The following MAEA variants were observed in gnomAD, a reference collection of about 807,000 sequenced individuals.
MAEA encodes E3 ubiquitin-protein transferase MAEA.
MAEA carries 22 observed loss-of-function variants against 46.2 expected under a neutral mutation model. The ratio of observed to expected loss-of-function variants is 0.48; its 90% CI spans 0.34 to 0.68. The LOEUF (loss-of-function observed/expected upper bound fraction) is 0.68. Among genes scored for constraint, MAEA ranks in the 30% least tolerant of loss-of-function variants. The pLI, the probability that MAEA is intolerant of heterozygous loss-of-function variation, is 0.01. For synonymous variants in MAEA, 246 were observed against 222.6 expected (o/e 1.11, Z -0.94); for missense variants, 393 against 558.1 (o/e 0.70, Z 2.98).
rs952297573 is a variant in MAEA at position 1,311,923 on chromosome 4, G to C, written c.70-56G>C. 27 of 1,506,438 alleles carry C rather than the reference G, an allele frequency of 1.8e-5. No individual in the cohort carries two copies. The highest frequency in any genetic ancestry group is 4.1e-5 in the African/African-American group (3 of 72,738). The allele number at this position is 1,506,438 out of a possible 1,614,324, so 93.3% of individuals were successfully genotyped here. A position where few individuals can be genotyped will look rare whatever the true frequency, so the allele number is the denominator to read the frequency against. On this transcript the variant is annotated intron_variant, in intron 1 of 8. Transcript: ENST00000303400. The surrounding 1 kb of genome is among the most constrained non-coding windows in gnomAD (Gnocchi z 4.4). ...AGACCTGGTGTGTCCTGGGTGTGGG[G>C]CTGGTGGGGCTCACACCAGGGGAGC...
chr4:1,291,470 G>A (rs1296673348), intron 1 of MAEA, among the ~76,000 whole-genome samples: 1 of 152,208 alleles, frequency 6.6e-6, no homozygotes, highest in Non-Finnish European at 1.5e-5. Context: ...ATCTCTGTTG[G>A]TTTAGAGATG....
At chr4:1,323,428 C>G in intron 4 of MAEA, 2 of 701,228 alleles carry the variant, frequency 2.9e-6, no homozygotes, top group African/African-American at 1.7e-5. Context: ...GCTGCTTTAA[C>G]CTCACCCTGG....
At chr4:1,319,517 G>C (rs961884702) in intron 3 of MAEA, among the ~76,000 whole-genome samples, 1 of 152,108 alleles carries the variant, frequency 6.6e-6, no homozygotes, top group African/African-American at 2.4e-5. Flanking sequence ...CCCTCAGTAA[G>C]AGAGATCCAA....
intron 1 of MAEA, among the ~76,000 whole-genome samples, chr4:1,295,780 CGCGCCTGTGCCCCCCTCCCCA>C (rs1734608853): frequency 2.3e-5 from 2 of 87,260 alleles, no homozygotes; most frequent in Admixed American, 2.1e-4. Context: ...CCCCCTCACC[CGCGCCTGTGCCCCCCTCCCCA>C]GCGCCTGTGC....
intron 1 of MAEA, chr4:1,310,065 A>G (rs1736297126): frequency 3.7e-6 from 4 of 1,069,174 alleles, no homozygotes; most frequent in Non-Finnish European, 4.6e-6. Context: ...TAATGGTCTA[A>G]TGGCGAAGAC....
chr4:1,322,365 G>A lies in MAEA; in HGVS notation c.457-16G>A. 1 of 1,613,382 alleles carries A rather than the reference G, an allele frequency of 6.2e-7. No individual in the cohort carries two copies. The highest frequency in any genetic ancestry group is 1.1e-5 in the South Asian group (1 of 91,068). ...AGCCAGCACATTCTGATCAGGTGCT[G>A]CTTCCTTCCTCTAAGGACCTAGTGA... is the stretch of plus-strand genomic sequence containing the variant. On this transcript the variant is annotated splice_polypyrimidine_tract_variant and intron_variant, in intron 3 of 8. Coordinates refer to ENST00000303400, the MANE Select transcript of MAEA (RefSeq NM_001017405.3).
chr4:1,317,330 C>T (rs924411748), intron 3 of MAEA, among the ~76,000 whole-genome samples: 1 of 143,562 alleles, frequency 7.0e-6, no homozygotes, highest in African/African-American at 2.6e-5. Context: ...CCGCAGGCCC[C>T]ACACTCTGGA....
At chr4:1,327,422 C>G (rs963974838) in intron 4 of MAEA, among the ~76,000 whole-genome samples, 4 of 152,336 alleles carry the variant, frequency 2.6e-5, no homozygotes, top group African/African-American at 9.6e-5. Context: ...GGGCGGGACT[C>G]ACATTCAGAA....
At chr4:1,319,408 T>C (rs1358643906) in intron 3 of MAEA, among the ~76,000 whole-genome samples, 1 of 152,020 alleles carries the variant, frequency 6.6e-6, no homozygotes, top group Non-Finnish European at 1.5e-5. Context: ...CCAGTTCACT[T>C]AGATGGTTTC....
At chr4:1,321,306 A>T (rs543314111) in intron 3 of MAEA, among the ~76,000 whole-genome samples, 1 of 152,314 alleles carries the variant, frequency 6.6e-6, no homozygotes, top group South Asian at 2.1e-4. Context: ...TTTAAAAAAG[A>T]TATCATCAAA....
intron 1 of MAEA, among the ~76,000 whole-genome samples, chr4:1,300,759 G>A (rs564272787): frequency 7.7e-4 from 117 of 152,374 alleles, no homozygotes; most frequent in Admixed American, 1.4e-3. Flanking sequence ...GCTCAGGGCC[G>A]ACAGCACTCT....
intron 3 of MAEA, among the ~76,000 whole-genome samples, chr4:1,315,894 G>C (rs1441196738): frequency 4.4e-5 from 4 of 90,234 alleles, no homozygotes; most frequent in Non-Finnish European, 8.6e-5. Flanking sequence ...CCCAATGTGC[G>C]TGTTTCTCCC....
rs142411418 is a variant in MAEA at position 1,324,490 on chromosome 4, A to G, written c.579+1987A>G. On this transcript the variant is annotated intron_variant, in intron 4 of 8. Transcript: ENST00000303400. Reference sequence around the variant, plus strand: ...GGTGGATGACCGTGCCTGGTGTTGGATAAAGTTGAGATTGGATGCTTGGTG... The same window carrying G: ...GGTGGATGACCGTGCCTGGTGTTGGGTAAAGTTGAGATTGGATGCTTGGTG... Among the ~76,000 whole-genome samples the G allele has an allele frequency of 1.8e-3, 263 of 146,020 alleles. 5 individuals carry two copies. The East Asian group carries it at 0.034, about 19-fold the overall frequency.
chr4:1,296,846 C>T (rs1243404037), intron 1 of MAEA, among the ~76,000 whole-genome samples: 1 of 152,164 alleles, frequency 6.6e-6, no homozygotes, highest in Non-Finnish European at 1.5e-5. Flanking sequence ...TGACACCATC[C>T]TCTGGGCTCT....
chr4:1,296,404 A>C, intron 1 of MAEA, among the ~76,000 whole-genome samples: 1 of 58,706 alleles, frequency 1.7e-5, no homozygotes, highest in East Asian at 5.8e-4. Context: ...CACCCATGCC[A>C]TTCCTCACCT....
chr4:1,313,298 G>A (rs1736743916), intron 2 of MAEA, among the ~76,000 whole-genome samples: 1 of 152,208 alleles, frequency 6.6e-6, no homozygotes, highest in African/African-American at 2.4e-5. Flanking sequence ...ACAACGTCCA[G>A]CACAGAGACA....
chr4:1,292,207 T>G (rs549916288), intron 1 of MAEA, among the ~76,000 whole-genome samples: 1 of 152,218 alleles, frequency 6.6e-6, no homozygotes, highest in Non-Finnish European at 1.5e-5. Flanking sequence ...GCTGGCATGC[T>G]CTGGACTGGA....
In MAEA at chr4:1,304,217, A is replaced by T. The variant is rs554882819; in HGVS notation, c.70-7762A>T. ...CAAATCGTCGTGTGCTGTCAATGTA[A>T]AGTATGCCCTAGCTTTCAAAGGTTT... On this transcript the variant is annotated intron_variant, in intron 1 of 8. Transcript: ENST00000303400. Among the ~76,000 whole-genome samples, 13 of 152,308 alleles carry T rather than the reference A, an allele frequency of 8.5e-5. No homozygotes were observed. The South Asian group carries it at 2.7e-3, about 32-fold the overall frequency.
chr4:1,323,820 C>T (rs147685568), intron 4 of MAEA, among the ~76,000 whole-genome samples: 28 of 152,346 alleles, frequency 1.8e-4, no homozygotes, highest in South Asian at 6.2e-4. Flanking sequence ...CACGAGCACA[C>T]GACCTGTCTG....
Sources: allele counts gnomAD v4.1 joint callset (sites outside exome capture counted in the v4.1 genomes callset), GRCh38; gene constraint gnomAD v4.1.1; non-coding constraint Gnocchi (gnomAD v3.1); transcripts MANE v1.5; gene names NCBI Gene and HGNC (gene_info 2026-07-23, HGNC 2026-07-21).